CYP4X1: variants seen among roughly 807,000 people sequenced by gnomAD.
CYP4X1 encodes the protein cytochrome P450 4X1.
CYP4X1 carries 44 observed loss-of-function variants against 57.9 expected under a neutral mutation model. That is an observed-to-expected ratio of 0.76 (90% confidence interval 0.60 to 0.98). The LOEUF (loss-of-function observed/expected upper bound fraction) is 0.98. Among genes scored for constraint, CYP4X1 ranks in the 50% least tolerant of loss-of-function variants. The pLI, the probability that CYP4X1 is intolerant of heterozygous loss-of-function variation, is 0.00. For synonymous variants in CYP4X1, 227 were observed against 228.6 expected (o/e 0.99, Z 0.06); for missense variants, 532 against 623.9 (o/e 0.85, Z 1.57).
chr1:46,963,411 T>G, the CYP4X1 span, among the ~76,000 whole-genome samples: 2 of 150,864 alleles, frequency 1.3e-5, no homozygotes, highest in African/African-American at 4.8e-5. Context: ...CTTTCCATCT[T>G]TAGTGCTTCC....
the CYP4X1 span, among the ~76,000 whole-genome samples, chr1:46,992,850 A>G: frequency 2.0e-5 from 3 of 152,136 alleles, no homozygotes; most frequent in African/African-American, 7.2e-5. Flanking sequence ...ATGCCAATTT[A>G]TATTCACCAG....
the CYP4X1 span, among the ~76,000 whole-genome samples, chr1:47,015,832 C>T: frequency 6.6e-6 from 1 of 152,172 alleles, no homozygotes; most frequent in Non-Finnish European, 1.5e-5. Context: ...ATGCCCCATT[C>T]ATCCCCTTCA....
chr1:47,035,410 G>C (rs1308161107), intron 4 of CYP4X1, among the ~76,000 whole-genome samples: 1 of 152,218 alleles, frequency 6.6e-6, no homozygotes. Context: ...GTTGAGAGCA[G>C]TGGCAGGGTA....
intron 8 of CYP4X1, among the ~76,000 whole-genome samples, chr1:47,040,671 T>TTA (rs557936088): frequency 2.6e-5 from 4 of 152,000 alleles, no homozygotes; most frequent in East Asian, 1.9e-4. Flanking sequence ...CATATACATG[T>TTA]TATATATATA....
intron 8 of CYP4X1, among the ~76,000 whole-genome samples, chr1:47,045,894 C>T (rs1644295536): frequency 6.6e-6 from 1 of 152,190 alleles, no homozygotes; most frequent in South Asian, 2.1e-4. Context: ...TTTAAGGACA[C>T]AGTTGCACAT....
the CYP4X1 span, among the ~76,000 whole-genome samples, chr1:46,984,796 T>C: frequency 5.3e-5 from 8 of 152,224 alleles, no homozygotes; most frequent in East Asian, 1.5e-3. Flanking sequence ...TGGACAGACA[T>C]GAAGATAGCT....
chr1:47,053,713 C>T (rs992854826), downstream of CYP4X1, among the ~76,000 whole-genome samples: 41 of 152,150 alleles, frequency 2.7e-4, no homozygotes, highest in Non-Finnish European at 4.7e-4. Context: ...GCATAAATGT[C>T]CTCTTTTGAG....
downstream of CYP4X1, among the ~76,000 whole-genome samples, chr1:47,051,011 C>T (rs1471080998): frequency 1.3e-5 from 2 of 152,124 alleles, no homozygotes; most frequent in Non-Finnish European, 2.9e-5. Context: ...TATCCAGAAT[C>T]TACAATGAAC....
chr1:46,970,904 A>G, the CYP4X1 span, among the ~76,000 whole-genome samples: 29 of 152,174 alleles, frequency 1.9e-4, no homozygotes, highest in Non-Finnish European at 3.1e-4. Context: ...TTCTTTTTTG[A>G]AATTTTGTTG....
the CYP4X1 span, chr1:46,961,601 C>A: frequency 7.8e-7 from 1 of 1,281,650 alleles, no homozygotes. Flanking sequence ...GGGAGGAGGC[C>A]TGGACCTGTG....
At chr1:46,994,378 T>C in the CYP4X1 span, 1 of 152,458 alleles carries the variant, frequency 6.6e-6, no homozygotes. Context: ...GTGCTGGCAG[T>C]GCCTGTGCAG....
intron 4 of CYP4X1, among the ~76,000 whole-genome samples, 177 bp downstream of exon 4, chr1:47,033,545 ATAATAT>A (rs960879057): frequency 6.6e-6 from 1 of 152,198 alleles, no homozygotes; most frequent in Non-Finnish European, 1.5e-5. Flanking sequence ...TCTTTGAGTG[ATAATAT>A]TAATAAAAAG....
chr1:46,991,005 A>G, the CYP4X1 span, among the ~76,000 whole-genome samples: 1 of 151,850 alleles, frequency 6.6e-6, no homozygotes, highest in Non-Finnish European at 1.5e-5. Context: ...CTATGTAACA[A>G]ACCTGCACGT....
At chr1:47,047,023 A>G (rs1438444700) in intron 9 of CYP4X1, among the ~76,000 whole-genome samples, 1 of 152,208 alleles carries the variant, frequency 6.6e-6, no homozygotes, top group Non-Finnish European at 1.5e-5. Context: ...TACAACATTT[A>G]ATAGTTAATA....
the CYP4X1 span, among the ~76,000 whole-genome samples, chr1:46,967,487 G>C: frequency 1.3e-5 from 2 of 152,110 alleles, no homozygotes; most frequent in Non-Finnish European, 2.9e-5. Flanking sequence ...AGGCAGGAGA[G>C]AGGTAGAGCA....
chr1:46,965,012 C>A, the CYP4X1 span, among the ~76,000 whole-genome samples: 1 of 152,228 alleles, frequency 6.6e-6, no homozygotes, highest in South Asian at 2.1e-4. Context: ...ATGAGTGAGG[C>A]ACCTTGGGTG....
chr1:46,991,418 G>C, the CYP4X1 span, among the ~76,000 whole-genome samples: 2 of 152,152 alleles, frequency 1.3e-5, no homozygotes, highest in Non-Finnish European at 2.9e-5. Flanking sequence ...GCTTTTCAAA[G>C]GGAATTCCAC....
the CYP4X1 span, among the ~76,000 whole-genome samples, chr1:46,990,686 G>A: frequency 6.6e-6 from 1 of 152,206 alleles, no homozygotes; most frequent in East Asian, 1.9e-4. Flanking sequence ...TAAAGAAGAT[G>A]TGGCACATAT....
chr1:47,023,865 G>T lies in CYP4X1; in HGVS notation c.48G>T (p.Leu16=). 1 of 1,613,672 alleles carries T rather than the reference G, an allele frequency of 6.2e-7. No individual in the cohort carries two copies. The highest frequency in any genetic ancestry group is 8.5e-7 in the Non-Finnish European group (1 of 1,179,960). Residue 16 remains leucine, a synonymous_variant, in exon 1 of 12, where the codon CTG becomes CTT. Coordinates refer to ENST00000371901, the MANE Select transcript of CYP4X1 (RefSeq NM_178033.2). The part of the protein sequence containing the change: ...LETRWARPFY[L]AFVFCLALGL... ...CGCGCTGGGCGCGGCCCTTTTACCT[G>T]GCGTTCGTGTTCTGCCTGGCCCTGG...
Sources: allele counts gnomAD v4.1 joint callset (sites outside exome capture counted in the v4.1 genomes callset), GRCh38; gene constraint gnomAD v4.1.1; transcripts MANE v1.5; gene names NCBI Gene and HGNC (gene_info 2026-07-23, HGNC 2026-07-21).